BNC2: variants seen among roughly 807,000 people sequenced by gnomAD.
The protein encoded by BNC2 is zinc finger protein basonuclin-2.
In BNC2, 20 loss-of-function variants were observed where a neutral mutation model predicts 76.3. The ratio of observed to expected loss-of-function variants is 0.26; its 90% confidence interval spans 0.18 to 0.38. The LOEUF is 0.38. BNC2 is among the 10% of genes least tolerant of loss of function. BNC2 has a pLI of 1.00. For missense variants in BNC2, 1,382 were observed against 1,399.8 expected (o/e 0.99, Z 0.20); for synonymous variants, 582 against 514.8 (o/e 1.13, Z -1.77).
At chr9:16,639,179 T>C (rs990705156) in intron 3 of BNC2, among the ~76,000 whole-genome samples, 1 of 152,296 alleles carries the variant, frequency 6.6e-6, no homozygotes, top group East Asian at 1.9e-4. Context: ...AATAAAGTAT[T>C]CTTGGATGAC....
chr9:16,608,260 C>G (rs888543642), intron 3 of BNC2, among the ~76,000 whole-genome samples: 3 of 152,148 alleles, frequency 2.0e-5, no homozygotes, highest in African/African-American at 4.8e-5. Flanking sequence ...ACTTTTCACA[C>G]AGCAATTTTG....
intron 3 of BNC2, among the ~76,000 whole-genome samples, chr9:16,631,762 G>A (rs1230361697): frequency 6.6e-6 from 1 of 152,200 alleles, no homozygotes. Flanking sequence ...ATCACGTTGT[G>A]CAGAAGAGCA....
chr9:16,687,076 G>A (rs144522003), intron 3 of BNC2, among the ~76,000 whole-genome samples: 276 of 151,960 alleles, frequency 1.8e-3, no homozygotes, highest in Middle Eastern at 6.8e-3. Context: ...GTCTACAAAC[G>A]AAAAAACTGA....
intron 3 of BNC2, among the ~76,000 whole-genome samples, chr9:16,617,581 T>C (rs1040259701): frequency 6.7e-6 from 1 of 149,662 alleles, no homozygotes; most frequent in African/African-American, 2.5e-5. Flanking sequence ...ACAAGGCACA[T>C]ATAAGTATGG....
At chr9:16,685,536 G>C (rs932577844) in intron 3 of BNC2, 1 of 1,302,356 alleles carries the variant, frequency 7.7e-7, no homozygotes, top group Non-Finnish European at 1.0e-6. Context: ...AAACAGTTAA[G>C]ACTCTAACCT....
chr9:16,813,151 T>C (rs921188277), intron 1 of BNC2, among the ~76,000 whole-genome samples: 4 of 152,078 alleles, frequency 2.6e-5, no homozygotes, highest in Non-Finnish European at 5.9e-5. Context: ...TGAGCTGAGA[T>C]GGCGCCACTG....
intron 3 of BNC2, among the ~76,000 whole-genome samples, chr9:16,622,023 C>G (rs751768934): frequency 9.2e-5 from 14 of 152,082 alleles, no homozygotes; most frequent in Non-Finnish European, 1.9e-4. Flanking sequence ...CAGTACTGGT[C>G]TGGACACTAG....
chr9:16,813,151 T>G (rs921188277), intron 1 of BNC2, among the ~76,000 whole-genome samples: 2 of 152,078 alleles, frequency 1.3e-5, no homozygotes, highest in African/African-American at 4.8e-5. Context: ...TGAGCTGAGA[T>G]GGCGCCACTG....
chr9:16,726,387 T>C (rs1184442427), intron 3 of BNC2, among the ~76,000 whole-genome samples: 1 of 152,200 alleles, frequency 6.6e-6, no homozygotes, highest in Non-Finnish European at 1.5e-5. Flanking sequence ...CTAAAACTGT[T>C]CTCTAGCTAA....
chr9:16,606,426 C>T (rs1014636417), intron 3 of BNC2, among the ~76,000 whole-genome samples: 1 of 152,110 alleles, frequency 6.6e-6, no homozygotes, highest in African/African-American at 2.4e-5. Flanking sequence ...CCCATAATTC[C>T]CACATGTTGT....
chr9:16,809,254 T>C (rs1817988131), intron 1 of BNC2, among the ~76,000 whole-genome samples: 1 of 152,080 alleles, frequency 6.6e-6, no homozygotes. Context: ...ACAAGCCCCC[T>C]CCTGGATCAC....
At chr9:16,546,973 G>A (rs912468959) in intron 5 of BNC2, among the ~76,000 whole-genome samples, 3 of 152,186 alleles carry the variant, frequency 2.0e-5, no homozygotes, top group East Asian at 3.8e-4. Context: ...GCTGGGAAGC[G>A]AGTTACAGTG....
intron 3 of BNC2, among the ~76,000 whole-genome samples, chr9:16,654,657 A>G (rs1319012641): frequency 1.3e-5 from 2 of 152,152 alleles, no homozygotes; most frequent in East Asian, 3.8e-4. Flanking sequence ...AGGTTGCTCA[A>G]TTTGCTTTGG....
At position 16,694,393 on chromosome 9, in the gene BNC2, T is replaced by TA. The variant is rs531808275; in HGVS notation, c.330+33403dup. Among the ~76,000 whole-genome samples, 21 of 152,256 alleles carry TA rather than the reference T, an allele frequency of 1.4e-4. No individual in the cohort carries two copies. The South Asian group carries it at 4.1e-3, about 30-fold the overall frequency. On this transcript the variant is annotated intron_variant, in intron 3 of 6. Transcript: ENST00000380672. ...AAAAGTTTCAGTAGCATACACAGTT[T>TA]AAGAGACAAATACAACAGGCATTTA...
intron 3 of BNC2, among the ~76,000 whole-genome samples, chr9:16,710,528 T>G (rs1476012306): frequency 1.3e-5 from 2 of 152,208 alleles, no homozygotes; most frequent in African/African-American, 2.4e-5. Context: ...TCATAAAATC[T>G]TAGGAGACCG....
chr9:16,549,322 AC>A (rs1431092123), intron 5 of BNC2, among the ~76,000 whole-genome samples: 1 of 152,236 alleles, frequency 6.6e-6, no homozygotes, highest in African/African-American at 2.4e-5. Context: ...CCAACTGCTA[AC>A]CAAGTCAATA....
At chr9:16,809,603 C>T (rs1240490412) in intron 1 of BNC2, among the ~76,000 whole-genome samples, 1 of 152,030 alleles carries the variant, frequency 6.6e-6, no homozygotes, top group Non-Finnish European at 1.5e-5. Flanking sequence ...TGAACCAAGA[C>T]CGAATGCGTT....
chr9:16,687,566 T>A (rs1339019596), intron 3 of BNC2, among the ~76,000 whole-genome samples: 1 of 151,928 alleles, frequency 6.6e-6, no homozygotes, highest in African/African-American at 2.4e-5. Flanking sequence ...AAGAAAAAAA[T>A]TAACCTGAGA....
At chr9:16,532,217 A>ATGT (rs1817997840) in intron 5 of BNC2, among the ~76,000 whole-genome samples, 1 of 144,318 alleles carries the variant, frequency 6.9e-6, no homozygotes, top group Non-Finnish European at 1.5e-5. Flanking sequence ...GCCAAGAGAC[A>ATGT]TACAGAAAAA....
Sources: allele counts gnomAD v4.1 joint callset (sites outside exome capture counted in the v4.1 genomes callset), GRCh38; gene constraint gnomAD v4.1.1; transcripts MANE v1.5; gene names NCBI Gene and HGNC (gene_info 2026-07-23, HGNC 2026-07-21).